Variants in SYNCRIP observed in about 807,000 individuals in gnomAD.
The protein encoded by SYNCRIP is heterogeneous nuclear ribonucleoprotein Q.
Under a neutral mutation model 68.9 loss-of-function variants are expected in SYNCRIP, and 9 were observed. The observed-to-expected ratio is 0.13, with a 90% CI of 0.08 to 0.23. The LOEUF (loss-of-function observed/expected upper bound fraction) is 0.23. Among genes scored for constraint, SYNCRIP ranks in the 10% least tolerant of loss-of-function variants. The pLI, the probability that SYNCRIP is intolerant of heterozygous loss-of-function variation, is 1.00. For missense variants in SYNCRIP, 414 were observed against 770.6 expected, an observed-to-expected ratio of 0.54 and a Z score of 5.48; for synonymous variants, 258 against 254.0, an observed-to-expected ratio of 1.02 and a Z score of -0.15.
chr6:85,627,667 C>T (rs1261860659), intron 6 of SYNCRIP, among the ~76,000 whole-genome samples: 1 of 152,118 alleles, frequency 6.6e-6, no homozygotes, highest in Non-Finnish European at 1.5e-5. Flanking sequence ...CAGGACACTA[C>T]AGTGGTATAA....
chr6:85,632,896 C>G (rs1807969999), intron 6 of SYNCRIP, among the ~76,000 whole-genome samples: 1 of 152,110 alleles, frequency 6.6e-6, no homozygotes, highest in Non-Finnish European at 1.5e-5. Flanking sequence ...GATCATGACA[C>G]TGCACTCCAG....
chr6:85,621,743 C>A (rs1353559182), intron 8 of SYNCRIP, among the ~76,000 whole-genome samples: 1 of 151,990 alleles, frequency 6.6e-6, no homozygotes, highest in African/African-American at 2.4e-5. Context: ...AGTCAGGATA[C>A]CTAATAATGG....
intron 6 of SYNCRIP, among the ~76,000 whole-genome samples, chr6:85,633,493 A>T (rs1361984269): frequency 3.3e-5 from 5 of 151,820 alleles, no homozygotes; most frequent in African/African-American, 1.2e-4. Flanking sequence ...CAGGGGGCTG[A>T]AACAGAAGAA....
At chr6:85,619,154 G>T (rs1806108226) in intron 9 of SYNCRIP, 114 bp downstream of exon 9, 1 of 1,443,976 alleles carries the variant, frequency 6.9e-7, no homozygotes, top group Non-Finnish European at 9.4e-7. Flanking sequence ...GTTTTAGTTT[G>T]AATGGATTCC....
chr6:85,608,258 T>C (rs1450509018), downstream of SYNCRIP: 4 of 152,168 alleles, frequency 2.6e-5, no homozygotes, highest in South Asian at 8.3e-4. Flanking sequence ...AGTGTCTACT[T>C]AAAAGCTGTT....
intron 6 of SYNCRIP, 133 bp downstream of exon 6, chr6:85,636,834 A>C: frequency 1.3e-6 from 1 of 740,786 alleles, no homozygotes; most frequent in Non-Finnish European, 2.2e-6. Context: ...TTGCACAGTG[A>C]TGTGGGAAAA....
At chr6:85,642,427 G>A (rs1809305205) in intron 1 of SYNCRIP, among the ~76,000 whole-genome samples, 2 of 152,192 alleles carry the variant, frequency 1.3e-5, no homozygotes, top group Non-Finnish European at 2.9e-5. Flanking sequence ...CCGCGGGACC[G>A]TGAGCACCGC....
chr6:85,631,339 CA>C lies in SYNCRIP; in HGVS notation c.666+5627del, dbSNP rs71003000. Among the ~76,000 whole-genome samples, 611 of 91,758 alleles carry C rather than the reference CA, an allele frequency of 6.7e-3. 5 individuals are homozygous for C. Among genetic ancestry groups the C allele is most frequent in the African/African-American group, 0.017 (351 of 20,120 alleles). 60.2% of individuals were successfully genotyped at this position (91,758 alleles called of 152,430 possible). ...GGGTGACAAAGCATGACTGTGTCTC[CA>C]AAAAAAAAAAAAAAAGGCCATGGCT... On this transcript the variant is annotated intron_variant, in intron 6 of 10. Coordinates refer to ENST00000369622, the MANE Select transcript of SYNCRIP (RefSeq NM_006372.5).
chr6:85,614,659 T>C lies in SYNCRIP; in HGVS notation c.*97A>G. The stretch of plus-strand genomic sequence containing the variant: ...TAAAATATATACATAAAGGGAAATC[T>C]TGCCAGATGTCACAAATTATAGCGG... On this transcript the variant is annotated 3_prime_UTR_variant, in exon 11 of 11. Transcript: ENST00000369622. 2 of 1,436,908 alleles carry C rather than the reference T, an allele frequency of 1.4e-6. No individual in the cohort carries two copies. Among genetic ancestry groups the C allele is most frequent in the African/African-American group, 1.4e-5 (1 of 69,338 alleles). 89.0% of individuals were successfully genotyped at this position (1,436,908 alleles called of 1,614,324 possible).
Position 85,614,479 on chromosome 6 carries a change from A to G in SYNCRIP, c.*277T>C. ...GGAAACATCGTTGACACTACAGCCAAATGGACTTGAGCCAAATTTTCTCAA... is the reference window on the plus strand; with the variant it reads ...GGAAACATCGTTGACACTACAGCCAGATGGACTTGAGCCAAATTTTCTCAA... On this transcript the variant is annotated 3_prime_UTR_variant, in exon 11 of 11. Coordinates refer to ENST00000369622, the MANE Select transcript of SYNCRIP (RefSeq NM_006372.5). 1 of 1,138,988 alleles carries G rather than the reference A, an allele frequency of 8.8e-7. No individual in the cohort carries two copies. The highest frequency in any genetic ancestry group is 1.1e-6 in the Non-Finnish European group (1 of 928,544). 70.6% of individuals were successfully genotyped at this position (1,138,988 alleles called of 1,614,324 possible). A position where few individuals can be genotyped will look rare whatever the true frequency, so the allele number is the denominator to read the frequency against.
intron 6 of SYNCRIP, among the ~76,000 whole-genome samples, chr6:85,627,825 T>C (rs1807237947): frequency 6.6e-6 from 1 of 152,174 alleles, no homozygotes; most frequent in Admixed American, 6.5e-5. Flanking sequence ...ATTATGATCA[T>C]TAATCAATGT....
At chr6:85,620,340 A>G (rs150241234) in intron 8 of SYNCRIP, among the ~76,000 whole-genome samples, 7 of 152,368 alleles carry the variant, frequency 4.6e-5, no homozygotes, top group African/African-American at 1.2e-4. Context: ...AAGGAATATT[A>G]TAACTGATAG....
At chr6:85,623,329 C>T (rs1420689080) in intron 7 of SYNCRIP, among the ~76,000 whole-genome samples, 1 of 151,646 alleles carries the variant, frequency 6.6e-6, no homozygotes, top group Non-Finnish European at 1.5e-5. Flanking sequence ...TCTGGGAGGC[C>T]GAGGCAAGCA....
chr6:85,638,733 G>C (rs929673173), intron 4 of SYNCRIP, among the ~76,000 whole-genome samples: 6 of 152,134 alleles, frequency 3.9e-5, no homozygotes, highest in Non-Finnish European at 8.8e-5. Context: ...ATGAGTAATA[G>C]CTCATCTTTC....
upstream of SYNCRIP, among the ~76,000 whole-genome samples, chr6:85,643,539 G>A (rs555800061): frequency 1.4e-3 from 203 of 150,304 alleles, 2 homozygotes; most frequent in African/African-American, 4.2e-3. Context: ...CCCTCCAGGC[G>A]GGGCGGGCCG....
chr6:85,642,288 C>T (rs1418231319), intron 1 of SYNCRIP, among the ~76,000 whole-genome samples: 2 of 152,170 alleles, frequency 1.3e-5, no homozygotes, highest in African/African-American at 4.8e-5. Flanking sequence ...GACCCCCGGC[C>T]GCCCGCCCGG....
intron 10 of SYNCRIP, among the ~76,000 whole-genome samples, chr6:85,618,490 G>A (rs144964552): frequency 2.4e-4 from 36 of 152,094 alleles, no homozygotes; most frequent in African/African-American, 6.3e-4. Flanking sequence ...CCAGTGAGCC[G>A]AAAGAGTGCC....
chr6:85,626,123 T>C (rs938099651), intron 6 of SYNCRIP, among the ~76,000 whole-genome samples: 10 of 152,232 alleles, frequency 6.6e-5, no homozygotes, highest in African/African-American at 2.4e-4. Context: ...AATAATCTTT[T>C]AACAGCAGAA....
intron 6 of SYNCRIP, among the ~76,000 whole-genome samples, chr6:85,625,648 A>C (rs569001671): frequency 6.6e-6 from 1 of 152,178 alleles, no homozygotes; most frequent in Non-Finnish European, 1.5e-5. Flanking sequence ...GGCCTCCCAA[A>C]GTGCTGGGAT....
Sources: allele counts gnomAD v4.1 joint callset (sites outside exome capture counted in the v4.1 genomes callset), GRCh38; gene constraint gnomAD v4.1.1; transcripts MANE v1.5; gene names NCBI Gene and HGNC (gene_info 2026-07-23, HGNC 2026-07-21).